The following SFMBT2 variants were observed in gnomAD, a reference collection of about 807,000 sequenced individuals.
The protein encoded by SFMBT2 is Scm like with four mbt domains 2.
SFMBT2 carries 38 observed loss-of-function variants against 110.1 expected under a neutral mutation model. The observed-to-expected ratio is 0.35, with a 90% CI of 0.27 to 0.45. The LOEUF (loss-of-function observed/expected upper bound fraction) is 0.45, where lower values mean the gene tolerates loss of function less well. Ranked by LOEUF, SFMBT2 falls within the 20% of genes least tolerant of loss-of-function variation. The probability of loss-of-function intolerance (pLI) is 1.00; values close to 1 mark genes in which losing one functional copy is unlikely to be tolerated. For missense variants in SFMBT2, 1,011 were observed against 1,094.9 expected (o/e 0.92, Z 1.08); for synonymous variants, 425 against 425.4 (o/e 1.00, Z 0.01).
At position 7,367,458 on chromosome 10, in the gene SFMBT2, C is replaced by T. The variant is rs999865383; in HGVS notation, c.436+191G>A. The stretch of plus-strand genomic sequence containing the variant: ...AGTTTGGCTCCATTGTCAGCACCAG[C>T]TCTGACATCTGAAAATGCACTGATC... On this transcript the variant is annotated intron_variant, in intron 4 of 20. Transcript: ENST00000397167. The surrounding 1 kb of genome is among the most constrained non-coding windows in gnomAD (Gnocchi z 6.2). Among the ~76,000 whole-genome samples, 2 of 152,204 alleles carry T rather than the reference C, an allele frequency of 1.3e-5. No homozygotes were observed. The highest frequency in any genetic ancestry group is 4.8e-5 in the African/African-American group (2 of 41,448).
At chr10:7,250,692 C>G (rs1840776939) in intron 7 of SFMBT2, among the ~76,000 whole-genome samples, 1 of 152,186 alleles carries the variant, frequency 6.6e-6, no homozygotes, top group Non-Finnish European at 1.5e-5. Context: ...ATTTACATTC[C>G]CACCAGCAGT....
chr10:7,283,784 T>A (rs1204436947), intron 6 of SFMBT2, 120 bp downstream of exon 6: 8 of 772,306 alleles, frequency 1.0e-5, no homozygotes, highest in Admixed American at 2.3e-5. Context: ...AAGTGCTTAA[T>A]ATTCACATAC....
chr10:7,312,088 G>A (rs986973640), intron 4 of SFMBT2, among the ~76,000 whole-genome samples: 2 of 152,140 alleles, frequency 1.3e-5, no homozygotes, highest in African/African-American at 2.4e-5. Context: ...GGAGTGGGGG[G>A]AGGGAGGAGG....
intron 4 of SFMBT2, among the ~76,000 whole-genome samples, chr10:7,315,038 G>GAGGAA (rs1842956653): frequency 1.2e-5 from 1 of 82,176 alleles, no homozygotes; most frequent in Non-Finnish European, 2.4e-5. Context: ...AAGAAAGAAA[G>GAGGAA]AGAAAGAAAG....
intron 4 of SFMBT2, among the ~76,000 whole-genome samples, chr10:7,339,888 C>T (rs1033049170): frequency 2.0e-5 from 3 of 152,152 alleles, no homozygotes; most frequent in African/African-American, 7.2e-5. Context: ...TTCCCACAGC[C>T]GAGGCTCCAG....
At position 7,172,140 on chromosome 10, in the gene SFMBT2, C is replaced by G; in HGVS notation, c.2170G>C (p.Ala724Pro). The change falls in exon 19 of 21, where the codon GCT becomes CCT. Residue 724 changes from alanine to proline, a missense_variant. By Grantham distance (27) the Ala-to-Pro change is conservative. This residue lies in a region of SFMBT2 where 979 missense variants were observed against 1,016.1 expected (regional missense o/e 0.96). Coordinates refer to ENST00000397167, the MANE Select transcript of SFMBT2 (RefSeq NM_001387889.1). This position sits in a 1 kb window ranked among gnomAD's most constrained non-coding sequence, Gnocchi z 4.6. ...GSGEESEEED[A>P]DAMDDDTASE... ...GCGGTGTCATCGTCCATGGCGTCAG[C>G]GTCCTCCTCTTCACTTTCCTGGGAA... The G allele has an allele frequency of 6.4e-7, 1 of 1,561,036 alleles. No individual in the cohort carries two copies. The highest frequency in any genetic ancestry group is 8.7e-7 in the Non-Finnish European group (1 of 1,152,484).
chr10:7,224,956 T>C (rs2131664011), intron 10 of SFMBT2, among the ~76,000 whole-genome samples: 1 of 152,334 alleles, frequency 6.6e-6, no homozygotes, highest in Admixed American at 6.5e-5. Context: ...TTATGTAACC[T>C]GAAAAAAGTG....
intron 9 of SFMBT2, among the ~76,000 whole-genome samples, chr10:7,243,138 G>A (rs1840487810): frequency 6.6e-6 from 1 of 152,184 alleles, no homozygotes; most frequent in Non-Finnish European, 1.5e-5. Context: ...TCGGATATCT[G>A]AAAGCAAATT....
intron 4 of SFMBT2, among the ~76,000 whole-genome samples, chr10:7,310,117 C>T (rs981358085): frequency 6.6e-6 from 1 of 152,196 alleles, no homozygotes; most frequent in African/African-American, 2.4e-5. Context: ...ACAAAATCCT[C>T]CTTAGTTGGG....
At chr10:7,226,973 A>T (rs746034045) in intron 10 of SFMBT2, among the ~76,000 whole-genome samples, 1 of 152,220 alleles carries the variant, frequency 6.6e-6, no homozygotes, top group South Asian at 2.1e-4. Context: ...CTCAGAACAT[A>T]ACCCCATCAT....
At chr10:7,185,175 C>T (rs1838359225) in intron 16 of SFMBT2, among the ~76,000 whole-genome samples, 1 of 152,214 alleles carries the variant, frequency 6.6e-6, no homozygotes, top group Middle Eastern at 3.2e-3. Context: ...CACGCCACAC[C>T]GTGATCCAGT....
In SFMBT2 at chr10:7,162,679, T is replaced by G. The variant is rs1837579923; in HGVS notation, c.*1091A>C. 6.6e-6 allele frequency: 1 copy of G among 152,132 alleles called. No individual in the cohort carries two copies. Among genetic ancestry groups the G allele is most frequent in the Non-Finnish European group, 1.5e-5 (1 of 68,050 alleles). 9.4% of individuals were successfully genotyped at this position (152,132 alleles called of 1,614,324 possible). On this transcript the variant is annotated 3_prime_UTR_variant, in exon 21 of 21. Transcript: ENST00000397167. Reference sequence around the variant, plus strand: ...ACTAAGCTTTTCCTTTGATATATAATCCAACATTTGCCTAAAAGACTCACT... The same window carrying G: ...ACTAAGCTTTTCCTTTGATATATAAGCCAACATTTGCCTAAAAGACTCACT...
intron 1 of SFMBT2, among the ~76,000 whole-genome samples, chr10:7,387,553 G>A (rs914488414): frequency 6.6e-6 from 1 of 152,018 alleles, no homozygotes; most frequent in Non-Finnish European, 1.5e-5. Flanking sequence ...AGGCGAGCTT[G>A]GGTGGGCCGG....
chr10:7,385,251 G>A (rs1564469732), intron 1 of SFMBT2, among the ~76,000 whole-genome samples: 2 of 152,304 alleles, frequency 1.3e-5, no homozygotes, highest in South Asian at 2.1e-4. Flanking sequence ...ATGTAAGGAA[G>A]CGCGGTTATG....
intron 4 of SFMBT2, among the ~76,000 whole-genome samples, chr10:7,313,040 C>T (rs958912785): frequency 2.0e-5 from 3 of 152,086 alleles, no homozygotes; most frequent in South Asian, 4.1e-4. Flanking sequence ...TGACCTGCAG[C>T]CAGTATTCCC....
chr10:7,384,436 G>A (rs1229185903), intron 1 of SFMBT2, among the ~76,000 whole-genome samples: 1 of 151,894 alleles, frequency 6.6e-6, no homozygotes, highest in African/African-American at 2.4e-5. Context: ...AATACAAACT[G>A]AGTTTGCTTC....
intron 1 of SFMBT2, among the ~76,000 whole-genome samples, chr10:7,401,540 A>G (rs1001363716): frequency 3.9e-5 from 6 of 152,198 alleles, no homozygotes; most frequent in African/African-American, 1.2e-4. Flanking sequence ...ACCAACGATG[A>G]AAGTAATTGA....
chr10:7,326,528 A>C (rs1340411672), intron 4 of SFMBT2, among the ~76,000 whole-genome samples: 1 of 152,242 alleles, frequency 6.6e-6, no homozygotes, highest in Non-Finnish European at 1.5e-5. Flanking sequence ...CTCTGAAATC[A>C]GCTTAGACAG....
At chr10:7,343,822 T>C (rs1453126617) in intron 4 of SFMBT2, among the ~76,000 whole-genome samples, 1 of 152,174 alleles carries the variant, frequency 6.6e-6, no homozygotes, top group Non-Finnish European at 1.5e-5. Context: ...ATGGGGACTT[T>C]GGGTTTGAGG....
Sources: allele counts gnomAD v4.1 joint callset (sites outside exome capture counted in the v4.1 genomes callset), GRCh38; gene constraint gnomAD v4.1.1; regional missense constraint gnomAD v4.1.1; non-coding constraint Gnocchi (gnomAD v3.1); transcripts MANE v1.5; gene names NCBI Gene and HGNC (gene_info 2026-07-23, HGNC 2026-07-21).